Variants in ZNF341 observed in about 807,000 individuals in gnomAD.
ZNF341 encodes zinc finger protein 341.
A neutral mutation model predicts 87.7 loss-of-function variants in ZNF341; 52 were observed. That is an observed-to-expected ratio of 0.59 (90% CI 0.47 to 0.75). ZNF341 has a LOEUF of 0.75. Ranked by LOEUF, ZNF341 falls within the 30% of genes least tolerant of loss-of-function variation. The pLI, the probability that ZNF341 is intolerant of heterozygous loss-of-function variation, is 0.00. For missense variants in ZNF341, 977 were observed against 1,145.9 expected (o/e 0.85, Z 2.13); for synonymous variants, 459 against 472.7 (o/e 0.97, Z 0.38).
chr20:33,743,266 C>T (rs1215947821), intron 2 of ZNF341, among the ~76,000 whole-genome samples: 2 of 150,926 alleles, frequency 1.3e-5, no homozygotes, highest in Non-Finnish European at 2.9e-5. Flanking sequence ...TCGTGACCCT[C>T]AGGTGATCCG....
intron 7 of ZNF341, 120 bp from the exon 8 acceptor site, chr20:33,761,742 C>A: frequency 1.2e-6 from 1 of 852,462 alleles, no homozygotes; most frequent in African/African-American, 1.7e-5. Flanking sequence ...GCCGTGGTGT[C>A]AGAATGTGGC....
intron 10 of ZNF341, among the ~76,000 whole-genome samples, chr20:33,779,082 G>A (rs561884004): frequency 3.3e-5 from 5 of 152,266 alleles, no homozygotes; most frequent in African/African-American, 1.2e-4. Flanking sequence ...TTTGACTCAC[G>A]GTTCAGCAGG....
intron 3 of ZNF341, among the ~76,000 whole-genome samples, chr20:33,746,309 C>T (rs1399495394): frequency 6.8e-5 from 10 of 146,418 alleles, no homozygotes; most frequent in African/African-American, 2.3e-4. Context: ...TCTCGGCTCA[C>T]TGCAACCTCC....
chr20:33,762,194 T>G, intron 8 of ZNF341, 139 bp downstream of exon 8: 1 of 699,454 alleles, frequency 1.4e-6, no homozygotes, highest in South Asian at 3.5e-5. Context: ...AAATGTGGCA[T>G]AAGATGAAAG....
intron 11 of ZNF341, among the ~76,000 whole-genome samples, chr20:33,783,443 G>A (rs979361216): frequency 6.6e-6 from 1 of 152,152 alleles, no homozygotes; most frequent in Non-Finnish European, 1.5e-5. Flanking sequence ...GAGCAGTGAC[G>A]CCCGAGTTGG....
In ZNF341 at chr20:33,740,933, G is replaced by A; in HGVS notation, c.63G>A (p.Gln21=). 1 of 1,614,192 alleles carries A rather than the reference G, an allele frequency of 6.2e-7. No homozygotes were observed. Among genetic ancestry groups the A allele is most frequent in the Non-Finnish European group, 8.5e-7 (1 of 1,180,040 alleles). The change falls in exon 2 of 15, where the codon CAG becomes CAA. Residue 21 remains glutamine, a synonymous_variant. Transcript: ENST00000375200. Reference sequence around the variant, plus strand: ...ACAATCAGACCGTTCTGGCTGTCCAGTCATTATTGGATGGCCAAGGAGCAG... The same window carrying A: ...ACAATCAGACCGTTCTGGCTGTCCAATCATTATTGGATGGCCAAGGAGCAG... ...GMDNQTVLAV[Q]SLLDGQGAVP...
intron 3 of ZNF341, among the ~76,000 whole-genome samples, chr20:33,747,614 C>CAAAAAA (rs773781002): frequency 3.8e-4 from 6 of 15,624 alleles, no homozygotes; most frequent in African/African-American, 1.2e-3. Flanking sequence ...GACTCCGTCT[C>CAAAAAA]AAAAAAAAAA....
intron 10 of ZNF341, among the ~76,000 whole-genome samples, chr20:33,775,137 C>A (rs975016067): frequency 6.6e-6 from 1 of 151,804 alleles, no homozygotes; most frequent in Non-Finnish European, 1.5e-5. Context: ...ATACAGGGAA[C>A]AACTTCGGAA....
chr20:33,752,626 G>C (rs1462229221), intron 4 of ZNF341: 3 of 250,154 alleles, frequency 1.2e-5, no homozygotes, highest in African/African-American at 2.3e-5. Flanking sequence ...CTGCATGAAT[G>C]AGGTCATTTT....
At chr20:33,788,773 C>A in intron 12 of ZNF341, 90 bp from the exon 13 acceptor site, 1 of 981,880 alleles carries the variant, frequency 1.0e-6, no homozygotes, top group Non-Finnish European at 1.6e-6. Context: ...CCTAGAGGAG[C>A]TGCTCCCCTG....
intron 8 of ZNF341, among the ~76,000 whole-genome samples, chr20:33,762,523 T>G (rs1004805875): frequency 4.6e-5 from 7 of 151,520 alleles, no homozygotes; most frequent in Non-Finnish European, 1.0e-4. Context: ...CCTTTCTTTT[T>G]TTTTTTATTT....
At chr20:33,739,632 C>T (rs1352922728) in intron 1 of ZNF341, among the ~76,000 whole-genome samples, 2 of 152,082 alleles carry the variant, frequency 1.3e-5, no homozygotes, top group African/African-American at 2.4e-5. Flanking sequence ...AGGACGCCCG[C>T]GTGCACACAG....
chr20:33,745,424 G>A, intron 3 of ZNF341, 125 bp downstream of exon 3: 1 of 935,288 alleles, frequency 1.1e-6, no homozygotes, highest in Non-Finnish European at 1.6e-6. Context: ...GTGGAGTGGG[G>A]CGAGATGGAT....
intron 7 of ZNF341, among the ~76,000 whole-genome samples, chr20:33,759,993 A>G (rs1257719550): frequency 2.0e-5 from 3 of 152,238 alleles, no homozygotes; most frequent in Non-Finnish European, 4.4e-5. Flanking sequence ...TACTGCAGCT[A>G]CAGCTGTGAC....
At chr20:33,767,942 A>G (rs1419386679) in intron 9 of ZNF341, among the ~76,000 whole-genome samples, 3 of 152,120 alleles carry the variant, frequency 2.0e-5, no homozygotes, top group Non-Finnish European at 4.4e-5. Flanking sequence ...GATGGCTGCT[A>G]TGTCTCCATA....
chr20:33,745,141 C>G lies in ZNF341; in HGVS notation c.181C>G (p.Gln61Glu), dbSNP rs147616318. 10 of 1,613,894 alleles carry G rather than the reference C, an allele frequency of 6.2e-6. No individual in the cohort carries two copies. The highest frequency in any genetic ancestry group is 8.5e-6 in the Non-Finnish European group (10 of 1,179,780). ...ATTTCTCTGCGGGAAGTGTAAGAAG[C>G]AATTCAACTCGCTGCCAGCGTTTAT... ...DVFLCGKCKKQFNSLPAFMTH... is the reference protein window; with the variant it reads ...DVFLCGKCKKEFNSLPAFMTH... Residue 61 changes from glutamine to glutamate, a missense_variant, in exon 3 of 15, where the codon CAA becomes GAA. Gln to Glu is a conservative substitution (Grantham distance 29). This residue lies in a region of ZNF341 where 515 missense variants were observed against 598.2 expected (regional missense o/e 0.86). Transcript: ENST00000375200.
At chr20:33,748,358 C>T (rs986703302) in intron 3 of ZNF341, among the ~76,000 whole-genome samples, 2 of 152,190 alleles carry the variant, frequency 1.3e-5, no homozygotes, top group Non-Finnish European at 1.5e-5. Flanking sequence ...GCGTGAGCCA[C>T]CATGCCTGGC....
At chr20:33,757,410 G>T (rs772211354) in intron 6 of ZNF341, 67 bp downstream of exon 6, 136 of 1,332,696 alleles carry the variant, frequency 1.0e-4, no homozygotes, top group Non-Finnish European at 1.3e-4. Flanking sequence ...ACTTGGTTCT[G>T]GTCTTCCCTT....
intron 6 of ZNF341, among the ~76,000 whole-genome samples, chr20:33,757,729 C>G (rs1000525252): frequency 6.6e-6 from 1 of 152,144 alleles, no homozygotes; most frequent in African/African-American, 2.4e-5. Flanking sequence ...CTTCTCCCAG[C>G]TTCTAGAAGT....
Sources: gnomAD v4.1 joint callset for allele counts (sites outside exome capture counted in the v4.1 genomes callset) on GRCh38, gnomAD v4.1.1 for gene constraint, gnomAD v4.1.1 regional missense constraint, MANE v1.5 for transcripts, NCBI Gene and HGNC (gene_info 2026-07-23, HGNC 2026-07-21) for gene names.